The following PUM2 variants were observed in gnomAD, a reference collection of about 807,000 sequenced individuals.
PUM2 encodes the protein pumilio RNA binding family member 2, also known as pumilio homolog 2.
A neutral mutation model predicts 124.5 loss-of-function variants in PUM2; 57 were observed. That is an observed-to-expected ratio of 0.46 (90% CI 0.37 to 0.57). The LOEUF is 0.57. Ranked by LOEUF, PUM2 falls within the 20% of genes least tolerant of loss-of-function variation. The pLI, the probability that PUM2 is intolerant of heterozygous loss-of-function variation, is 0.00. For synonymous variants in PUM2, 460 were observed against 446.1 expected (o/e 1.03, Z -0.39); for missense variants, 1,065 against 1,290.6 (o/e 0.83, Z 2.68).
intron 13 of PUM2, among the ~76,000 whole-genome samples, chr2:20,276,258 C>CT (rs36031998): frequency 0.76 from 109,231 of 143,274 alleles, 41,545 homozygotes; most frequent in East Asian, 0.93. Context: ...AAAATGAAAA[C>CT]TTTTTTTTTT....
intron 1 of PUM2, among the ~76,000 whole-genome samples, chr2:20,344,758 G>A (rs564016501): frequency 9.9e-5 from 15 of 152,010 alleles, no homozygotes; most frequent in Admixed American, 2.0e-4. Flanking sequence ...TGAGGCCGGC[G>A]GATCACGAGG....
rs149284973 is a variant in PUM2, at chr2:20,342,877, T to C, written c.-19+7720A>G. ...ACTTAAGTTTTAAAAAGGCAAGTTATTACATCAAAAACACCACCAAACATC... is the reference window on the plus strand; with the variant it reads ...ACTTAAGTTTTAAAAAGGCAAGTTACTACATCAAAAACACCACCAAACATC... On this transcript the variant is annotated intron_variant, in intron 1 of 20. Coordinates refer to ENST00000361078, the MANE Select transcript of PUM2 (RefSeq NM_015317.5). Among the ~76,000 whole-genome samples, 172 of 152,268 alleles carry C rather than the reference T, an allele frequency of 1.1e-3. 1 individual carries two copies. Among genetic ancestry groups the C allele is most frequent in the Middle Eastern group, 6.8e-3 (2 of 294 alleles).
rs1326409005 is a variant in PUM2 at position 20,308,585 on chromosome 2, C to A, written c.519-1G>T. 5 of 1,589,944 alleles carry A rather than the reference C, an allele frequency of 3.1e-6. No homozygotes were observed. The highest frequency in any genetic ancestry group is 3.4e-6 in the Non-Finnish European group (4 of 1,170,440). ...GGCTTGACGACTTCCAGGAGTACGA[C>A]TACATAAAGAAAATAGAAAAGCATT... On this transcript the variant is annotated splice_acceptor_variant, in intron 5 of 20. Coordinates refer to ENST00000361078, the MANE Select transcript of PUM2 (RefSeq NM_015317.5). LOFTEE classifies it high-confidence loss of function.
chr2:20,274,437 C>A (rs1257794853), intron 13 of PUM2, among the ~76,000 whole-genome samples: 1 of 152,016 alleles, frequency 6.6e-6, no homozygotes, highest in Non-Finnish European at 1.5e-5. Context: ...ACTAAGTCTG[C>A]CAAAGGCCAG....
In PUM2 at chr2:20,248,801, G is replaced by GTGAA. The variant is rs1662595208; in HGVS notation, c.*2780_*2783dup. The GTGAA allele has an allele frequency of 6.5e-6, 1 of 152,742 alleles. No homozygotes were observed. Among genetic ancestry groups the GTGAA allele is most frequent in the South Asian group, 2.1e-4 (1 of 4,828 alleles). 9.5% of individuals were successfully genotyped at this position (152,742 alleles called of 1,614,324 possible). On this transcript the variant is annotated 3_prime_UTR_variant, in exon 21 of 21. Transcript: ENST00000361078. ...TAATTTATACATAATATACAAAGAA[G>GTGAA]TGAAGTTAACATTATTTCATATGAA...
At chr2:20,258,790 C>T (rs1191998030) in intron 15 of PUM2, among the ~76,000 whole-genome samples, 2 of 151,338 alleles carry the variant, frequency 1.3e-5, no homozygotes, top group East Asian at 1.9e-4. Flanking sequence ...GCCTCAGCCT[C>T]CCGAGTAGCT....
chr2:20,326,868 C>T (rs1683806882), intron 2 of PUM2, among the ~76,000 whole-genome samples: 1 of 152,118 alleles, frequency 6.6e-6, no homozygotes, highest in Non-Finnish European at 1.5e-5. Context: ...ACAATAGATA[C>T]ATCCCAGTCG....
intron 9 of PUM2, among the ~76,000 whole-genome samples, chr2:20,292,777 C>G (rs115807928): frequency 0.015 from 2,208 of 151,990 alleles, 65 homozygotes; most frequent in African/African-American, 0.049. Flanking sequence ...ATTAAAAATA[C>G]AAAATTAGCC....
chr2:20,255,323 G>A lies in PUM2; in HGVS notation c.2641C>T (p.His881Tyr). The part of the protein sequence containing the change: ...FKGQVFVLST[H>Y]PYGCRVIQRI... ...TGAATTACTCTGCAGCCATAAGGAT[G>A]AGTTGAAAGCACAAATACCTGAGGA... is the stretch of plus-strand genomic sequence containing the variant. Residue 881 changes from histidine to tyrosine, a missense_variant, in exon 18 of 21, where the codon CAT (histidine) becomes TAT (tyrosine). By Grantham distance (83) the His-to-Tyr change is moderately conservative. This residue lies in a region of PUM2 where 968 missense variants were observed against 1,159.8 expected (regional missense o/e 0.83). Coordinates refer to ENST00000361078, the MANE Select transcript of PUM2 (RefSeq NM_015317.5). 6.2e-7 allele frequency: 1 copy of A among 1,612,340 alleles called. No individual in the cohort carries two copies. Among genetic ancestry groups the A allele is most frequent in the Non-Finnish European group, 8.5e-7 (1 of 1,179,090 alleles).
chr2:20,284,470 C>T (rs1372093852), intron 10 of PUM2, among the ~76,000 whole-genome samples: 1 of 152,168 alleles, frequency 6.6e-6, no homozygotes, highest in Admixed American at 6.5e-5. Context: ...ATCCTCCCGC[C>T]TCAGCATCCT....
chr2:20,347,323 CGT>C (rs1688434262), intron 1 of PUM2, among the ~76,000 whole-genome samples: 1 of 152,040 alleles, frequency 6.6e-6, no homozygotes, highest in Admixed American at 6.6e-5. Context: ...TTTAATTAGG[CGT>C]GTCTTGATTT....
At chr2:20,268,321 A>T (rs764955744) in intron 13 of PUM2, among the ~76,000 whole-genome samples, 16 of 152,330 alleles carry the variant, frequency 1.1e-4, no homozygotes, top group Middle Eastern at 6.8e-3. Context: ...ATAAAAATCA[A>T]AGTAAGTATG....
chr2:20,322,349 G>C (rs1368046937), intron 2 of PUM2, among the ~76,000 whole-genome samples: 1 of 152,106 alleles, frequency 6.6e-6, no homozygotes, highest in Non-Finnish European at 1.5e-5. Context: ...AGCACTGAGG[G>C]AGGTGAGAAG....
At chr2:20,286,156 C>G (rs1672678938) in intron 10 of PUM2, among the ~76,000 whole-genome samples, 1 of 152,134 alleles carries the variant, frequency 6.6e-6, no homozygotes, top group Admixed American at 6.5e-5. Flanking sequence ...ATTACTTCGA[C>G]TTTTCTTACA....
chr2:20,338,980 T>G lies in PUM2; in HGVS notation c.-18-11602A>C, dbSNP rs556897076. ...AGAAATATTTAAAATATATACATGA[T>G]AAAATCACACACTTACATAGTTCTT... is the stretch of plus-strand genomic sequence containing the variant. On this transcript the variant is annotated intron_variant, in intron 1 of 20. Coordinates refer to ENST00000361078, the MANE Select transcript of PUM2 (RefSeq NM_015317.5). Among the ~76,000 whole-genome samples, 95 of 152,322 alleles carry G rather than the reference T, an allele frequency of 6.2e-4. 2 individuals carry two copies. Among genetic ancestry groups the G allele is most frequent in the Non-Finnish European group, 1.2e-3 (85 of 68,028 alleles).
rs1675057789 is a variant in PUM2 at position 20,294,576 on chromosome 2, G to A, written c.1010-58C>T. The A allele has an allele frequency of 4.0e-6, 6 of 1,504,700 alleles. No homozygotes were observed. In the Admixed American group the frequency reaches 1.3e-4, roughly 34 times the overall value. 93.2% of individuals were successfully genotyped at this position (1,504,700 alleles called of 1,614,324 possible). On this transcript the variant is annotated intron_variant, in intron 8 of 20. Transcript: ENST00000361078. The stretch of plus-strand genomic sequence containing the variant: ...TTACTAGATTTTACATAGACATGAG[G>A]TTAGCTACCTATCATCAGATTATAA...
rs1453272598 is a variant in PUM2, at chr2:20,249,977, CTT to C, written c.*1606_*1607del. 1.3e-5 allele frequency: 2 copies of C among 152,564 alleles called. No individual in the cohort carries two copies. The highest frequency in any genetic ancestry group is 2.9e-5 in the Non-Finnish European group (2 of 68,018). The allele number at this position is 152,564 out of a possible 1,614,324, so 9.5% of individuals were successfully genotyped here. A position where few individuals can be genotyped will look rare whatever the true frequency, so the allele number is the denominator to read the frequency against. On this transcript the variant is annotated 3_prime_UTR_variant, in exon 21 of 21. Coordinates refer to ENST00000361078, the MANE Select transcript of PUM2 (RefSeq NM_015317.5). ...AATGTACATCGTGTTACTGTTATGT[CTT>C]ATGTCCAGAGGAAAAAATGTTATCA...
At chr2:20,330,520 A>G (rs541790633) in intron 1 of PUM2, among the ~76,000 whole-genome samples, 8 of 152,164 alleles carry the variant, frequency 5.3e-5, no homozygotes, top group Non-Finnish European at 8.8e-5. Flanking sequence ...CAAAATTCCA[A>G]AAGATCTGAG....
chr2:20,268,846 T>A (rs1410671587), intron 13 of PUM2, among the ~76,000 whole-genome samples: 1 of 152,176 alleles, frequency 6.6e-6, no homozygotes, highest in Non-Finnish European at 1.5e-5. Flanking sequence ...ATGTAAAGTA[T>A]AAATCTTTTT....
Sources: allele counts gnomAD v4.1 joint callset (sites outside exome capture counted in the v4.1 genomes callset), GRCh38; gene constraint gnomAD v4.1.1; regional missense constraint gnomAD v4.1.1; transcripts MANE v1.5; gene names NCBI Gene and HGNC (gene_info 2026-07-23, HGNC 2026-07-21).